Variants in RRN3 observed in about 807,000 individuals in gnomAD.
The protein encoded by RRN3 is RNA polymerase I transcription factor RRN3.
Under a neutral mutation model 82.3 loss-of-function variants are expected in RRN3, and 38 were observed. The observed-to-expected ratio is 0.46, with a 90% CI of 0.36 to 0.61. The LOEUF is 0.61. Among genes scored for constraint, RRN3 ranks in the 20% least tolerant of loss-of-function variants. The pLI, the probability that RRN3 is intolerant of heterozygous loss-of-function variation, is 0.00. For synonymous variants in RRN3, 284 were observed against 284.3 expected, an observed-to-expected ratio of 1.00 and a Z score of 0.01; for missense variants, 726 against 793.1, an observed-to-expected ratio of 0.92 and a Z score of 1.02.
chr16:15,063,664 C>T (rs1385426286), intron 16 of RRN3, among the ~76,000 whole-genome samples: 56 of 136,586 alleles, frequency 4.1e-4, no homozygotes, highest in Non-Finnish European at 5.0e-4. Context: ...GAGATCGCGC[C>T]ACTGCACTCC....
chr16:15,093,708 T>C (rs933053353), intron 1 of RRN3, among the ~76,000 whole-genome samples: 3 of 152,112 alleles, frequency 2.0e-5, no homozygotes, highest in African/African-American at 2.4e-5. Flanking sequence ...TGGAGCAAAA[T>C]AAAGACTGCG....
rs183292506 is a variant in RRN3, at chr16:15,066,506, G to A, written c.1554-1135C>T. 1.7e-3 allele frequency among the ~76,000 whole-genome samples: 264 copies of A among 151,922 alleles called. 1 individual carries two copies. The highest frequency in any genetic ancestry group is 6.2e-3 in the African/African-American group (256 of 41,460). On this transcript the variant is annotated intron_variant, in intron 15 of 17. Coordinates refer to ENST00000198767, the MANE Select transcript of RRN3 (RefSeq NM_018427.5). Reference sequence around the variant, plus strand: ...AAATTAGCTGGGCGTGGTGGCAGGCGCCTGTAGTCCCAGCTATTCGGGAGG... The same window carrying A: ...AAATTAGCTGGGCGTGGTGGCAGGCACCTGTAGTCCCAGCTATTCGGGAGG...
At chr16:15,076,674 A>G in intron 9 of RRN3, 24 bp from the exon 10 acceptor site, 1 of 1,488,460 alleles carries the variant, frequency 6.7e-7, no homozygotes, top group Non-Finnish European at 9.4e-7. Context: ...AGAAAAAAAA[A>G]GAATAAAAGG....
chr16:15,083,371 C>A lies in RRN3; in HGVS notation c.666+142G>T, dbSNP rs1597971421. 1.0e-5 allele frequency: 14 copies of A among 1,349,506 alleles called. No individual in the cohort carries two copies. In the East Asian group the frequency reaches 3.7e-4, roughly 36 times the overall value. The allele number at this position is 1,349,506 out of a possible 1,614,324, so 83.6% of individuals were successfully genotyped here. A position where few individuals can be genotyped will look rare whatever the true frequency, so the allele number is the denominator to read the frequency against. ...CCAAGATGACGCCATTGCACTCCAG[C>A]TTGGGCGACAGAGTGAGACTCGGTC... On this transcript the variant is annotated intron_variant, in intron 8 of 17. Coordinates refer to ENST00000198767, the MANE Select transcript of RRN3 (RefSeq NM_018427.5).
At chr16:15,092,019 A>C (rs1171943836) in intron 2 of RRN3, among the ~76,000 whole-genome samples, 1 of 152,104 alleles carries the variant, frequency 6.6e-6, no homozygotes, top group East Asian at 1.9e-4. Context: ...TCTACTAAAA[A>C]AATAAAAAAA....
At chr16:15,072,452 C>T (rs1295693309) in intron 12 of RRN3, among the ~76,000 whole-genome samples, 1 of 152,100 alleles carries the variant, frequency 6.6e-6, no homozygotes, top group Admixed American at 6.6e-5. Context: ...ATGACATTTT[C>T]GGAGCACCTA....
chr16:15,091,203 G>T, intron 3 of RRN3, 112 bp downstream of exon 3: 3 of 1,300,868 alleles, frequency 2.3e-6, no homozygotes, highest in Non-Finnish European at 3.2e-6. Context: ...TTAAAATAAG[G>T]GAGGACCATG....
intron 3 of RRN3, among the ~76,000 whole-genome samples, chr16:15,089,853 A>G (rs986141475): frequency 9.3e-5 from 14 of 149,914 alleles, no homozygotes; most frequent in African/African-American, 3.2e-4. Flanking sequence ...GAAACGCTGA[A>G]GTTTTAAGAA....
At chr16:15,090,081 G>A (rs2046072145) in intron 3 of RRN3, among the ~76,000 whole-genome samples, 1 of 151,902 alleles carries the variant, frequency 6.6e-6, no homozygotes, top group East Asian at 1.9e-4. Flanking sequence ...ATGGTGGCGG[G>A]TGCCTGTAAT....
chr16:15,073,407 T>C (rs1160863784), intron 11 of RRN3, among the ~76,000 whole-genome samples: 2 of 152,160 alleles, frequency 1.3e-5, no homozygotes, highest in African/African-American at 4.8e-5. Flanking sequence ...CAGTAAGCCA[T>C]GTTTGTGCGA....
At chr16:15,062,502 C>CT (rs757247770) in intron 17 of RRN3, among the ~76,000 whole-genome samples, 4 of 152,208 alleles carry the variant, frequency 2.6e-5, no homozygotes, top group Non-Finnish European at 5.9e-5. Flanking sequence ...CAGCGAAATT[C>CT]TTTATTACTG....
chr16:15,071,859 C>T (rs1427297900), intron 12 of RRN3, among the ~76,000 whole-genome samples: 4 of 152,108 alleles, frequency 2.6e-5, no homozygotes, highest in South Asian at 2.1e-4. Flanking sequence ...CCACATATTA[C>T]AAAAACTCTT....
At chr16:15,072,223 C>T (rs2045263225) in intron 12 of RRN3, among the ~76,000 whole-genome samples, 1 of 142,954 alleles carries the variant, frequency 7.0e-6, no homozygotes, top group African/African-American at 2.5e-5. Context: ...GAAGGAAAAG[C>T]CTTCTACATT....
At chr16:15,079,808 G>C (rs2045620765) in intron 9 of RRN3, among the ~76,000 whole-genome samples, 190 bp downstream of exon 9, 1 of 152,134 alleles carries the variant, frequency 6.6e-6, no homozygotes, top group African/African-American at 2.4e-5. Context: ...TGTTGGCCAG[G>C]CTGGTCTCGA....
rs1023278104 is a variant in RRN3 at position 15,064,170 on chromosome 16, G to GT, written c.1707-888dup. Among the ~76,000 whole-genome samples the GT allele has an allele frequency of 9.7e-4, 143 of 147,562 alleles. No homozygotes were observed. In the East Asian group the frequency reaches 0.011, roughly 11 times the overall value. ...AACTCATCTAGATAAATCGCTTTTT[G>GT]TTTTTTTTTTGTTTTGTTTTTCTGA... On this transcript the variant is annotated intron_variant, in intron 16 of 17. Coordinates refer to ENST00000198767, the MANE Select transcript of RRN3 (RefSeq NM_018427.5).
intron 8 of RRN3, 50 bp downstream of exon 8, chr16:15,083,463 A>G: frequency 1.9e-6 from 3 of 1,604,886 alleles, no homozygotes; most frequent in Non-Finnish European, 2.5e-6. Context: ...TCTAAAATGA[A>G]ATCGTACAAA....
At chr16:15,072,809 C>A (rs1280809028) in intron 12 of RRN3, 141 bp downstream of exon 12, 3 of 826,594 alleles carry the variant, frequency 3.6e-6, no homozygotes, top group Admixed American at 3.0e-5. Context: ...AAGGAGAATG[C>A]GATTTTATTA....
chr16:15,072,414 G>C (rs2045275776), intron 12 of RRN3, among the ~76,000 whole-genome samples: 1 of 152,154 alleles, frequency 6.6e-6, no homozygotes, highest in Non-Finnish European at 1.5e-5. Flanking sequence ...CTTAAGGGAA[G>C]AGCACCACCT....
chr16:15,094,286 C>A, upstream of RRN3: 1 of 1,404,296 alleles, frequency 7.1e-7, no homozygotes, highest in Non-Finnish European at 9.8e-7. Flanking sequence ...CAGCTCCTTC[C>A]AGCCACAGCC....
Sources: allele counts gnomAD v4.1 joint callset (sites outside exome capture counted in the v4.1 genomes callset), GRCh38; gene constraint gnomAD v4.1.1; transcripts MANE v1.5; gene names NCBI Gene and HGNC (gene_info 2026-07-23, HGNC 2026-07-21).